The following CTTNBP2 variants were observed in gnomAD, a reference collection of about 807,000 sequenced individuals.
The protein encoded by CTTNBP2 is cortactin-binding protein 2.
CTTNBP2 carries 108 observed loss-of-function variants against 156.9 expected under a neutral mutation model. That is an observed-to-expected ratio of 0.69 (90% CI 0.59 to 0.81). The LOEUF (loss-of-function observed/expected upper bound fraction) is 0.81, where lower values mean the gene tolerates loss of function less well. CTTNBP2 is among the 30% of genes least tolerant of loss of function. CTTNBP2 has a pLI of 0.00. For synonymous variants in CTTNBP2, 767 were observed against 751.8 expected (o/e 1.02, Z -0.33); for missense variants, 1,924 against 2,035.4 (o/e 0.95, Z 1.05).
At chr7:117,768,808 T>C (rs1264826978) in intron 8 of CTTNBP2, among the ~76,000 whole-genome samples, 1 of 152,196 alleles carries the variant, frequency 6.6e-6, no homozygotes, top group Non-Finnish European at 1.5e-5. Context: ...AATCATACTG[T>C]ATGTAGGTGC....
intron 2 of CTTNBP2, among the ~76,000 whole-genome samples, chr7:117,841,179 C>T (rs114840051): frequency 6.6e-6 from 1 of 152,184 alleles, no homozygotes; most frequent in South Asian, 2.1e-4. Context: ...TACTATCTGG[C>T]CTCACAGAAG....
intron 9 of CTTNBP2, among the ~76,000 whole-genome samples, chr7:117,765,826 T>C (rs1256902962): frequency 6.6e-6 from 1 of 152,192 alleles, no homozygotes; most frequent in Non-Finnish European, 1.5e-5. Flanking sequence ...TACCACATTA[T>C]GCACTATCAA....
chr7:117,854,235 AATTC>A (rs1361255514), intron 2 of CTTNBP2, among the ~76,000 whole-genome samples: 1 of 152,208 alleles, frequency 6.6e-6, no homozygotes, highest in Admixed American at 6.5e-5. Flanking sequence ...TCAGCAAATT[AATTC>A]ATTCATTAAT....
intron 11 of CTTNBP2, 26 bp downstream of exon 11, chr7:117,757,849 G>A (rs1441924629): frequency 7.3e-6 from 11 of 1,503,034 alleles, no homozygotes; most frequent in East Asian, 4.6e-5. Flanking sequence ...CTCTTTAAAC[G>A]TCACCTTAGT....
chr7:117,742,383 G>A (rs1055957492), intron 14 of CTTNBP2, among the ~76,000 whole-genome samples: 2 of 152,196 alleles, frequency 1.3e-5, no homozygotes, highest in African/African-American at 4.8e-5. Context: ...TGGAGCATGG[G>A]TATCTATGTT....
intron 3 of CTTNBP2, among the ~76,000 whole-genome samples, chr7:117,800,310 A>G (rs1270078629): frequency 6.6e-6 from 1 of 152,094 alleles, no homozygotes; most frequent in African/African-American, 2.4e-5. Context: ...TGATGAAAAA[A>G]TCAGAATAGT....
intron 2 of CTTNBP2, among the ~76,000 whole-genome samples, chr7:117,833,612 C>T (rs532325649): frequency 8.5e-5 from 13 of 152,280 alleles, no homozygotes; most frequent in Non-Finnish European, 1.5e-4. Flanking sequence ...GCCCATTCTC[C>T]TTGATCACTA....
At chr7:117,764,608 T>C (rs1797377774) in intron 9 of CTTNBP2, among the ~76,000 whole-genome samples, 1 of 152,232 alleles carries the variant, frequency 6.6e-6, no homozygotes, top group South Asian at 2.1e-4. Context: ...CTTCTATAAC[T>C]GACTTCTTCA....
chr7:117,796,109 T>C (rs541595326), intron 3 of CTTNBP2, among the ~76,000 whole-genome samples: 36 of 152,334 alleles, frequency 2.4e-4, no homozygotes, highest in Admixed American at 7.2e-4. Context: ...AGCTTTTTCA[T>C]AGCAACACCA....
chr7:117,804,946 CATG>C (rs1242240483), intron 3 of CTTNBP2, among the ~76,000 whole-genome samples: 2 of 152,180 alleles, frequency 1.3e-5, no homozygotes, highest in African/African-American at 4.8e-5. Flanking sequence ...GTTCATTCTC[CATG>C]ATATGTAGAA....
At chr7:117,774,273 T>A (rs183046181) in intron 8 of CTTNBP2, among the ~76,000 whole-genome samples, 1 of 152,268 alleles carries the variant, frequency 6.6e-6, no homozygotes, top group Admixed American at 6.5e-5. Context: ...ATTTGGGAAT[T>A]TGATCTTCAG....
intron 2 of CTTNBP2, among the ~76,000 whole-genome samples, chr7:117,843,752 G>A (rs1048722969): frequency 1.3e-5 from 2 of 152,154 alleles, no homozygotes; most frequent in African/African-American, 4.8e-5. Context: ...ACAGAAACCG[G>A]AGTGGGGCAG....
intron 2 of CTTNBP2, among the ~76,000 whole-genome samples, chr7:117,833,010 C>T (rs539854630): frequency 2.0e-5 from 3 of 152,062 alleles, no homozygotes; most frequent in Non-Finnish European, 4.4e-5. Context: ...CCACCTCGGC[C>T]TCCCAAAGTG....
intron 2 of CTTNBP2, among the ~76,000 whole-genome samples, chr7:117,813,659 C>T (rs1800414397): frequency 6.6e-6 from 1 of 152,184 alleles, no homozygotes; most frequent in South Asian, 2.1e-4. Flanking sequence ...TCCTTCACGT[C>T]TGCAGAATGA....
chr7:117,813,046 G>C (rs1291699317), intron 2 of CTTNBP2, among the ~76,000 whole-genome samples: 1 of 152,074 alleles, frequency 6.6e-6, no homozygotes, highest in Admixed American at 6.6e-5. Context: ...AGTCACCTCT[G>C]GGTTGGAAAG....
intron 4 of CTTNBP2, among the ~76,000 whole-genome samples, chr7:117,788,140 A>G (rs1315087213): frequency 6.6e-6 from 1 of 151,932 alleles, no homozygotes; most frequent in African/African-American, 2.4e-5. Context: ...ATGCCCAGCT[A>G]ATTTTTATAT....
intron 3 of CTTNBP2, among the ~76,000 whole-genome samples, chr7:117,793,097 A>AT (rs1799126534): frequency 6.6e-6 from 1 of 152,202 alleles, no homozygotes; most frequent in African/African-American, 2.4e-5. Flanking sequence ...AGAAAGGTCT[A>AT]TTTTTGTAAA....
At chr7:117,793,964 C>T (rs540241625) in intron 3 of CTTNBP2, among the ~76,000 whole-genome samples, 5 of 152,182 alleles carry the variant, frequency 3.3e-5, no homozygotes, top group African/African-American at 7.2e-5. Context: ...TAAACTCCCA[C>T]CCTTGTGTTT....
intron 16 of CTTNBP2, among the ~76,000 whole-genome samples, chr7:117,733,667 T>C (rs1456382180): frequency 1.3e-5 from 2 of 152,150 alleles, no homozygotes; most frequent in Non-Finnish European, 2.9e-5. Context: ...AAATATAACA[T>C]GGGGTAGATT....
Sources: allele counts gnomAD v4.1 joint callset (sites outside exome capture counted in the v4.1 genomes callset), GRCh38; gene constraint gnomAD v4.1.1; transcripts MANE v1.5; gene names NCBI Gene and HGNC (gene_info 2026-07-23, HGNC 2026-07-21).